The following MCC variants were observed in gnomAD, a reference collection of about 807,000 sequenced individuals.
MCC encodes colorectal mutant cancer protein.
In MCC, 90 loss-of-function variants were observed where a neutral mutation model predicts 116.2. That is an observed-to-expected ratio of 0.77 (90% CI 0.65 to 0.92). MCC has a LOEUF of 0.92. MCC is among the 40% of genes least tolerant of loss of function. MCC has a pLI of 0.00. For synonymous variants in MCC, 578 were observed against 510.5 expected, an observed-to-expected ratio of 1.13 and a Z score of -1.78; for missense variants, 1,516 against 1,312.2, an observed-to-expected ratio of 1.16 and a Z score of -2.40.
At chr5:113,134,294 C>T (rs976731485) in intron 5 of MCC, among the ~76,000 whole-genome samples, 3 of 152,128 alleles carry the variant, frequency 2.0e-5, no homozygotes, top group Non-Finnish European at 4.4e-5. Flanking sequence ...TATGGATATC[C>T]ACTTTTCCCA....
At chr5:113,396,726 G>A (rs990617231) in intron 1 of MCC, among the ~76,000 whole-genome samples, 3 of 152,160 alleles carry the variant, frequency 2.0e-5, no homozygotes, top group African/African-American at 7.2e-5. Context: ...TGGAATTTAA[G>A]CTCCCCAAGG....
chr5:113,483,360 G>C (rs557841674), intron 1 of MCC, among the ~76,000 whole-genome samples: 33 of 152,284 alleles, frequency 2.2e-4, no homozygotes, highest in African/African-American at 7.9e-4. Flanking sequence ...AATTTGGGAA[G>C]TATTGCCATC....
chr5:113,147,999 A>G (rs1561402300), intron 4 of MCC, among the ~76,000 whole-genome samples: 1 of 152,238 alleles, frequency 6.6e-6, no homozygotes, highest in Non-Finnish European at 1.5e-5. Context: ...AGTATTCCAC[A>G]TTACTGCTCA....
intron 5 of MCC, among the ~76,000 whole-genome samples, chr5:113,135,359 C>T (rs1451960813): frequency 2.1e-5 from 3 of 144,676 alleles, no homozygotes; most frequent in African/African-American, 5.1e-5. Flanking sequence ...TCGAGACCAG[C>T]CTGGCTAACG....
intron 6 of MCC, among the ~76,000 whole-genome samples, chr5:113,112,754 G>A (rs1157544749): frequency 2.6e-5 from 4 of 152,172 alleles, no homozygotes; most frequent in African/African-American, 9.7e-5. Context: ...GACTTACAGT[G>A]CTGGGCATGG....
intron 5 of MCC, among the ~76,000 whole-genome samples, chr5:113,128,278 GCTGT>G (rs1391016119): frequency 1.3e-5 from 2 of 152,230 alleles, no homozygotes; most frequent in African/African-American, 4.8e-5. Flanking sequence ...TGCTTTGACA[GCTGT>G]CAAGCTGTCA....
rs1750424810 is a variant in MCC at position 113,024,916 on chromosome 5, A to AT, written c.*2385dup. On this transcript the variant is annotated 3_prime_UTR_variant, in exon 19 of 19. Coordinates refer to ENST00000408903, the MANE Select transcript of MCC (RefSeq NM_001085377.2). ...AAAAATTAACACTTTTGCCTGCAAA[A>AT]TAGTTTTTACCCAAATCACATTTGA... The AT allele has an allele frequency of 6.6e-6, 1 of 152,188 alleles. No individual in the cohort carries two copies. The highest frequency in any genetic ancestry group is 1.9e-4 in the East Asian group (1 of 5,198). The allele number at this position is 152,188 out of a possible 1,614,324, so 9.4% of individuals were successfully genotyped here. A position where few individuals can be genotyped will look rare whatever the true frequency, so the allele number is the denominator to read the frequency against.
At chr5:113,106,108 T>TC (rs1756717059) in intron 6 of MCC, among the ~76,000 whole-genome samples, 2 of 151,644 alleles carry the variant, frequency 1.3e-5, no homozygotes, top group African/African-American at 4.9e-5. Context: ...CACCTTCCCC[T>TC]GTTCACTATG....
At chr5:113,132,832 C>A (rs546268056) in intron 5 of MCC, among the ~76,000 whole-genome samples, 10 of 152,250 alleles carry the variant, frequency 6.6e-5, no homozygotes, top group Middle Eastern at 3.4e-3. Flanking sequence ...GATAGTTACT[C>A]CAGCCAGTAG....
intron 3 of MCC, among the ~76,000 whole-genome samples, chr5:113,216,039 G>T (rs553790626): frequency 6.6e-6 from 1 of 152,230 alleles, no homozygotes; most frequent in Non-Finnish European, 1.5e-5. Flanking sequence ...GGAAACTATG[G>T]CCCATGAGCA....
chr5:113,389,985 A>G (rs1769364011), intron 1 of MCC, among the ~76,000 whole-genome samples: 1 of 152,220 alleles, frequency 6.6e-6, no homozygotes. Context: ...TCTCTGCCCT[A>G]GGCAAGGAAA....
intron 2 of MCC, among the ~76,000 whole-genome samples, chr5:113,356,396 AT>A (rs567062858): frequency 1.6e-3 from 238 of 148,166 alleles, no homozygotes; most frequent in Admixed American, 5.3e-3. Context: ...TTTTATATAA[AT>A]ATATATATCA....
intron 3 of MCC, chr5:113,203,103 T>C (rs1762755104): frequency 6.6e-6 from 1 of 152,270 alleles, no homozygotes; most frequent in South Asian, 2.1e-4. Context: ...GGGGCTGGAC[T>C]TGGGGAATAC....
In MCC at chr5:113,458,847, G is replaced by A. The variant is rs562070128; in HGVS notation, c.170+29398C>T. The stretch of plus-strand genomic sequence containing the variant: ...CAAAGTGGTCTGCCTTGTTTAATAA[G>A]ATCTCCCTTTTAGGGGCCTCCAATT... On this transcript the variant is annotated intron_variant, in intron 1 of 18. Coordinates refer to ENST00000408903, the MANE Select transcript of MCC (RefSeq NM_001085377.2). Among the ~76,000 whole-genome samples, 3 of 152,288 alleles carry A rather than the reference G, an allele frequency of 2.0e-5. No homozygotes were observed. The South Asian group carries it at 6.2e-4, about 32-fold the overall frequency.
At chr5:113,427,096 G>A (rs1233225282) in intron 1 of MCC, among the ~76,000 whole-genome samples, 3 of 151,852 alleles carry the variant, frequency 2.0e-5, no homozygotes, top group Non-Finnish European at 4.4e-5. Context: ...TCTTCTTCAG[G>A]TCTAGCCAAT....
chr5:113,132,376 AT>A (rs1390574155), intron 5 of MCC, among the ~76,000 whole-genome samples: 2 of 131,710 alleles, frequency 1.5e-5, no homozygotes, highest in Non-Finnish European at 3.4e-5. Flanking sequence ...GTGTGTGTAT[AT>A]ATATACATAC....
chr5:113,048,399 G>A (rs1238489700), intron 16 of MCC, among the ~76,000 whole-genome samples: 1 of 152,140 alleles, frequency 6.6e-6, no homozygotes, highest in South Asian at 2.1e-4. Context: ...TCATTCCTTA[G>A]GCCAGCATAG....
intron 5 of MCC, among the ~76,000 whole-genome samples, chr5:113,123,947 G>C (rs1757880176): frequency 6.6e-6 from 1 of 152,210 alleles, no homozygotes; most frequent in Admixed American, 6.5e-5. Flanking sequence ...GGACCAAAAT[G>C]ATGAGTGGCG....
chr5:113,474,584 G>C (rs1436951526), intron 1 of MCC, among the ~76,000 whole-genome samples: 1 of 152,184 alleles, frequency 6.6e-6, no homozygotes, highest in African/African-American at 2.4e-5. Context: ...ACTGTTGAAG[G>C]ATTTTAGGAA....
Sources: allele counts gnomAD v4.1 joint callset (sites outside exome capture counted in the v4.1 genomes callset), GRCh38; gene constraint gnomAD v4.1.1; transcripts MANE v1.5; gene names NCBI Gene and HGNC (gene_info 2026-07-23, HGNC 2026-07-21).